Variants in RSPRY1 observed in about 807,000 individuals in gnomAD.
The protein encoded by RSPRY1 is RING finger and SPRY domain-containing protein 1.
Under a neutral mutation model 73.1 loss-of-function variants are expected in RSPRY1, and 23 were observed. That is an observed-to-expected ratio of 0.31 (90% CI 0.23 to 0.45). The LOEUF (loss-of-function observed/expected upper bound fraction) is 0.45, where lower values mean the gene tolerates loss of function less well. RSPRY1 is among the 20% of genes least tolerant of loss of function. RSPRY1 has a pLI of 1.00. For synonymous variants in RSPRY1, 226 were observed against 251.4 expected (o/e 0.90, Z 0.95); for missense variants, 448 against 698.7 (o/e 0.64, Z 4.05).
chr16:57,200,610 C>T (rs1259913204), intron 1 of RSPRY1, among the ~76,000 whole-genome samples: 4 of 102,306 alleles, frequency 3.9e-5, no homozygotes, highest in African/African-American at 7.4e-5. Context: ...TAGGGGCGGC[C>T]GGGCAGAGGC....
At chr16:57,230,379 G>A (rs1205454954) in intron 11 of RSPRY1, among the ~76,000 whole-genome samples, 1 of 152,194 alleles carries the variant, frequency 6.6e-6, no homozygotes, top group South Asian at 2.1e-4. Context: ...AATCTCACCA[G>A]AGAGGCAAGT....
chr16:57,212,195 C>T (rs1300020619), intron 4 of RSPRY1, among the ~76,000 whole-genome samples: 1 of 152,126 alleles, frequency 6.6e-6, no homozygotes, highest in Non-Finnish European at 1.5e-5. Flanking sequence ...CCGGTAGTCC[C>T]AGCTACGAGG....
chr16:57,239,802 TTC>T lies in RSPRY1; in HGVS notation c.*829_*830del, dbSNP rs1360285062. Reference sequence around the variant, plus strand: ...TTTTCAAGGTACCATCAAATCAGATTTCTGTTTTTTTGTTAAAAAAAATTTTT... The same window carrying T: ...TTTTCAAGGTACCATCAAATCAGATTTGTTTTTTTGTTAAAAAAAATTTTT... On this transcript the variant is annotated 3_prime_UTR_variant, in exon 15 of 15. Coordinates refer to ENST00000394420, the MANE Select transcript of RSPRY1 (RefSeq NM_133368.3). 2 of 152,122 alleles carry T rather than the reference TTC, an allele frequency of 1.3e-5. No individual in the cohort carries two copies. Among genetic ancestry groups the T allele is most frequent in the Non-Finnish European group, 2.9e-5 (2 of 68,022 alleles). The allele number at this position is 152,122 out of a possible 1,614,324, so 9.4% of individuals were successfully genotyped here.
chr16:57,186,186 G>T, upstream of RSPRY1: 1 of 985,692 alleles, frequency 1.0e-6, no homozygotes, highest in Non-Finnish European at 1.2e-6. Flanking sequence ...GCCAGTCTGC[G>T]CCTGGAGGGC....
intron 5 of RSPRY1, 112 bp downstream of exon 5, chr16:57,213,210 A>G: frequency 2.8e-6 from 3 of 1,074,810 alleles, no homozygotes; most frequent in South Asian, 1.9e-5. Flanking sequence ...TCTCTTAAAA[A>G]TGATATTGAG....
chr16:57,194,066 A>C (rs1244101415), intron 1 of RSPRY1, among the ~76,000 whole-genome samples: 2 of 149,254 alleles, frequency 1.3e-5, no homozygotes, highest in Non-Finnish European at 3.0e-5. Flanking sequence ...ATTCCGTTTA[A>C]AAAAAAAAAA....
At chr16:57,196,790 A>G (rs910357738) in intron 1 of RSPRY1, among the ~76,000 whole-genome samples, 1 of 152,132 alleles carries the variant, frequency 6.6e-6, no homozygotes, top group Non-Finnish European at 1.5e-5. Context: ...TAATTTAGTT[A>G]TTTCTGATTA....
rs1250836724 is a variant in RSPRY1 at position 57,208,395 on chromosome 16, TATA to T, written c.403+286_403+288del. 3.0e-3 allele frequency among the ~76,000 whole-genome samples: 258 copies of T among 86,020 alleles called. 1 individual carries two copies. The highest frequency in any genetic ancestry group is 8.8e-3 in the Middle Eastern group (1 of 114). The allele number at this position is 86,020 out of a possible 152,430, so 56.4% of individuals were successfully genotyped here. ...GATTATTTATATATATATATATATA[TATA>T]TATTTTTTTTTTTTTTTGAGACAGA... is the stretch of plus-strand genomic sequence containing the variant. On this transcript the variant is annotated intron_variant, in intron 3 of 14. Transcript: ENST00000394420.
chr16:57,201,687 G>A (rs1422120204), intron 1 of RSPRY1, among the ~76,000 whole-genome samples: 2 of 152,206 alleles, frequency 1.3e-5, no homozygotes, highest in East Asian at 1.9e-4. Context: ...CTGAGTGAAC[G>A]CGACTCCGTC....
At chr16:57,197,341 C>A (rs2074467800) in intron 1 of RSPRY1, among the ~76,000 whole-genome samples, 1 of 152,158 alleles carries the variant, frequency 6.6e-6, no homozygotes. Context: ...GGCTGTAGCC[C>A]TCAAGAGTAC....
rs140996021 is a variant in RSPRY1, at chr16:57,197,667, C to T, written c.-155-6837C>T. Among the ~76,000 whole-genome samples, 37 of 152,192 alleles carry T rather than the reference C, an allele frequency of 2.4e-4. No individual in the cohort carries two copies. The East Asian group carries it at 6.8e-3, about 28-fold the overall frequency. The stretch of plus-strand genomic sequence containing the variant: ...CACTTTAGTTCAATTTGGAAAAAAA[C>T]TTAATTTTTGTCTTCTTACCTTCGT... On this transcript the variant is annotated intron_variant, in intron 1 of 14. Coordinates refer to ENST00000394420, the MANE Select transcript of RSPRY1 (RefSeq NM_133368.3).
chr16:57,212,694 A>C (rs1430504128), intron 4 of RSPRY1, among the ~76,000 whole-genome samples: 1 of 151,970 alleles, frequency 6.6e-6, no homozygotes, highest in Non-Finnish European at 1.5e-5. Flanking sequence ...GGCTCACTGC[A>C]ACCTCTACCT....
At chr16:57,231,375 A>G in intron 13 of RSPRY1, 56 bp downstream of exon 13, 1 of 1,502,600 alleles carries the variant, frequency 6.7e-7, no homozygotes, top group Non-Finnish European at 9.0e-7. Flanking sequence ...ATGAGAAATT[A>G]AACAATTTAT....
intron 13 of RSPRY1, among the ~76,000 whole-genome samples, chr16:57,233,944 A>G (rs190520236): frequency 2.0e-5 from 3 of 152,236 alleles, no homozygotes; most frequent in Non-Finnish European, 1.5e-5. Flanking sequence ...CAGCCTCCAG[A>G]ATGATTTGTT....
intron 1 of RSPRY1, among the ~76,000 whole-genome samples, chr16:57,190,367 A>T (rs2093930921): frequency 6.6e-6 from 1 of 152,154 alleles, no homozygotes; most frequent in Non-Finnish European, 1.5e-5. Flanking sequence ...CAAATAAATA[A>T]ATAGGAAATG....
intron 1 of RSPRY1, among the ~76,000 whole-genome samples, chr16:57,199,265 C>T (rs1477389809): frequency 6.6e-6 from 1 of 152,160 alleles, no homozygotes; most frequent in Non-Finnish European, 1.5e-5. Flanking sequence ...TAGGCCGAGG[C>T]GGGCGGATCA....
rs183793138 is a variant in RSPRY1, at chr16:57,198,567, T to C, written c.-155-5937T>C. ...AATTATTCCTAAATACTTTTATGTGTTGGCATTAAATTGTAACTTTATAGG... is the reference window on the plus strand; with the variant it reads ...AATTATTCCTAAATACTTTTATGTGCTGGCATTAAATTGTAACTTTATAGG... On this transcript the variant is annotated intron_variant, in intron 1 of 14. Transcript: ENST00000394420. Among the ~76,000 whole-genome samples the C allele has an allele frequency of 2.0e-5, 3 of 152,356 alleles. No individual in the cohort carries two copies. The East Asian group carries it at 5.8e-4, about 29-fold the overall frequency.
chr16:57,192,391 A>T (rs532371743), intron 1 of RSPRY1, among the ~76,000 whole-genome samples: 1 of 152,312 alleles, frequency 6.6e-6, no homozygotes, highest in Non-Finnish European at 1.5e-5. Flanking sequence ...CTGTACTGCA[A>T]CCGTCATAAG....
At chr16:57,193,587 G>A (rs1363516688) in intron 1 of RSPRY1, among the ~76,000 whole-genome samples, 1 of 151,532 alleles carries the variant, frequency 6.6e-6, no homozygotes, top group African/African-American at 2.4e-5. Context: ...CCACCTTCTG[G>A]ATTCAAGTGA....
Sources: gnomAD v4.1 joint callset for allele counts (sites outside exome capture counted in the v4.1 genomes callset) on GRCh38, gnomAD v4.1.1 for gene constraint, MANE v1.5 for transcripts, NCBI Gene and HGNC (gene_info 2026-07-23, HGNC 2026-07-21) for gene names.